MED13L: variants seen among roughly 807,000 people sequenced by gnomAD.
The protein encoded by MED13L is mediator of RNA polymerase II transcription subunit 13-like.
In MED13L, 7 loss-of-function variants were observed where a neutral mutation model predicts 220.9. The observed-to-expected ratio is 0.03, with a 90% CI of 0.02 to 0.06. The LOEUF (loss-of-function observed/expected upper bound fraction) is 0.06, where lower values mean the gene tolerates loss of function less well. MED13L is among the 10% of genes least tolerant of loss of function. MED13L has a pLI of 1.00. For missense variants in MED13L, 1,965 were observed against 2,760.5 expected (o/e 0.71, Z 6.46); for synonymous variants, 1,011 against 1,015.2 (o/e 1.00, Z 0.08).
At chr12:116,026,800 A>C (rs568317025) in intron 4 of MED13L, among the ~76,000 whole-genome samples, 1 of 152,206 alleles carries the variant, frequency 6.6e-6, no homozygotes, top group Non-Finnish European at 1.5e-5. Flanking sequence ...CCCATATATA[A>C]AACTATGGTA....
chr12:116,120,475 TCTCACACACA>T (rs1412694906), intron 2 of MED13L, among the ~76,000 whole-genome samples: 16 of 91,748 alleles, frequency 1.7e-4, no homozygotes, highest in Admixed American at 4.8e-4. Context: ...TCTCTCTCTC[TCTCACACACA>T]CACACACACA....
rs117239146 is a variant in MED13L, at chr12:116,215,164, C to T, written c.310+22304G>A. Among the ~76,000 whole-genome samples, 33 of 152,224 alleles carry T rather than the reference C, an allele frequency of 2.2e-4. No individual in the cohort carries two copies. The East Asian group carries it at 5.4e-3, about 25-fold the overall frequency. ...TTTGCTTTAGTTACTATCAATAACC[C>T]AGCATAACATAATATGATCTTTGTG... On this transcript the variant is annotated intron_variant, in intron 2 of 30. Transcript: ENST00000281928.
chr12:115,960,980 C>A lies in MED13L; in HGVS notation c.*286G>T. 1 of 445,456 alleles carries A rather than the reference C, an allele frequency of 2.2e-6. No individual in the cohort carries two copies. The highest frequency in any genetic ancestry group is 4.2e-6 in the Non-Finnish European group (1 of 238,614). 27.6% of individuals were successfully genotyped at this position (445,456 alleles called of 1,614,324 possible). ...TGTTTCCCGCTGAAAAGCCATCAAC[C>A]ACCACCACTTCCTGGGGACCAGTGG... On this transcript the variant is annotated 3_prime_UTR_variant, in exon 31 of 31. Coordinates refer to ENST00000281928, the MANE Select transcript of MED13L (RefSeq NM_015335.5).
In MED13L at chr12:116,259,261, C is replaced by A. The variant is rs552891658; in HGVS notation, c.72+17799G>T. On this transcript the variant is annotated intron_variant, in intron 1 of 30. Transcript: ENST00000281928. ...AAGACAATGTTAAGCGGAAAAAGCA[C>A]ATTGCAGGAAAAGGTGGAGAATTAT... 5.3e-5 allele frequency among the ~76,000 whole-genome samples: 8 copies of A among 152,184 alleles called. No individual in the cohort carries two copies. The South Asian group carries it at 1.7e-3, about 32-fold the overall frequency.
intron 20 of MED13L, 112 bp downstream of exon 20, chr12:115,984,067 AC>A (rs1328195789): frequency 2.5e-6 from 3 of 1,196,236 alleles, no homozygotes; most frequent in Non-Finnish European, 3.6e-6. Flanking sequence ...CTTAACAAAT[AC>A]AGCATTACTT....
At chr12:116,095,248 G>A (rs1872554022) in intron 4 of MED13L, among the ~76,000 whole-genome samples, 1 of 152,040 alleles carries the variant, frequency 6.6e-6, no homozygotes. Context: ...ATATTTATAA[G>A]GGGAAAAAAA....
chr12:116,099,542 T>C (rs957220865), intron 3 of MED13L, among the ~76,000 whole-genome samples: 10 of 152,172 alleles, frequency 6.6e-5, no homozygotes, highest in African/African-American at 2.4e-4. Context: ...ATTTATTCAG[T>C]AACAAATCAT....
At chr12:116,110,710 A>T (rs1325564951) in intron 3 of MED13L, among the ~76,000 whole-genome samples, 1 of 152,222 alleles carries the variant, frequency 6.6e-6, no homozygotes, top group Admixed American at 6.5e-5. Context: ...CAATTGACAG[A>T]ACATGTTAAC....
intron 1 of MED13L, among the ~76,000 whole-genome samples, chr12:116,271,828 A>C (rs1873382873): frequency 6.6e-6 from 1 of 152,144 alleles, no homozygotes; most frequent in South Asian, 2.1e-4. Flanking sequence ...CCATACTACT[A>C]ATTCTCATAA....
intron 4 of MED13L, among the ~76,000 whole-genome samples, chr12:116,055,512 G>C (rs1868877416): frequency 6.6e-6 from 1 of 152,164 alleles, no homozygotes; most frequent in African/African-American, 2.4e-5. Context: ...CTCCTATGAA[G>C]ACCAAGATTT....
intron 4 of MED13L, among the ~76,000 whole-genome samples, chr12:116,052,090 C>T (rs1868556431): frequency 6.6e-6 from 1 of 151,744 alleles, no homozygotes; most frequent in Non-Finnish European, 1.5e-5. Flanking sequence ...CACACACACA[C>T]ACACACACAC....
intron 4 of MED13L, among the ~76,000 whole-genome samples, chr12:116,083,643 T>C (rs1385663909): frequency 6.6e-6 from 1 of 152,130 alleles, no homozygotes; most frequent in East Asian, 1.9e-4. Flanking sequence ...GGAAAACTCG[T>C]AATAATGCAT....
intron 4 of MED13L, among the ~76,000 whole-genome samples, chr12:116,047,862 C>T (rs1220207831): frequency 6.6e-6 from 1 of 152,140 alleles, no homozygotes; most frequent in Non-Finnish European, 1.5e-5. Flanking sequence ...ACAGCCTTCC[C>T]TCTTGTTTTC....
rs185305879 is a variant in MED13L at position 116,044,513 on chromosome 12, T to G, written c.480-21912A>C. On this transcript the variant is annotated intron_variant, in intron 4 of 30. Coordinates refer to ENST00000281928, the MANE Select transcript of MED13L (RefSeq NM_015335.5). ...AGAAGAGTGAAAAAAGAGGCCATAC[T>G]ATAGGTGGAAATCCTAACTCCTAAG... Among the ~76,000 whole-genome samples, 1,107 of 152,286 alleles carry G rather than the reference T, an allele frequency of 7.3e-3. 8 individuals are homozygous for G. Among genetic ancestry groups the G allele is most frequent in the African/African-American group, 0.026 (1,069 of 41,564 alleles).
At chr12:116,184,344 T>TAAA (rs2138236950) in intron 2 of MED13L, among the ~76,000 whole-genome samples, 1 of 152,290 alleles carries the variant, frequency 6.6e-6, no homozygotes, top group South Asian at 2.1e-4. Context: ...AAAATAAAGT[T>TAAA]TTTTTAAGTG....
chr12:116,040,390 A>C (rs1881452584), intron 4 of MED13L, among the ~76,000 whole-genome samples: 1 of 152,236 alleles, frequency 6.6e-6, no homozygotes, highest in Admixed American at 6.5e-5. Context: ...TAGTAATCAC[A>C]ACTACAAAAT....
chr12:116,103,275 A>G (rs1198028924), intron 3 of MED13L, among the ~76,000 whole-genome samples: 1 of 152,098 alleles, frequency 6.6e-6, no homozygotes, highest in Non-Finnish European at 1.5e-5. Context: ...ATGTTTAGAG[A>G]CAGAGTCTCA....
intron 1 of MED13L, among the ~76,000 whole-genome samples, chr12:116,253,217 A>G (rs1303790383): frequency 6.6e-6 from 1 of 151,212 alleles, no homozygotes; most frequent in Non-Finnish European, 1.5e-5. Context: ...GGTTGCACTA[A>G]GCCAAGATGG....
chr12:116,180,367 G>A (rs1416570215), intron 2 of MED13L, among the ~76,000 whole-genome samples: 1 of 152,168 alleles, frequency 6.6e-6, no homozygotes, highest in Non-Finnish European at 1.5e-5. Context: ...GGCTGCAGTA[G>A]TCAAAACTGT....
Sources: gnomAD v4.1 joint callset for allele counts (sites outside exome capture counted in the v4.1 genomes callset) on GRCh38, gnomAD v4.1.1 for gene constraint, MANE v1.5 for transcripts, NCBI Gene and HGNC (gene_info 2026-07-23, HGNC 2026-07-21) for gene names.